The following CDHR3 variants were observed in gnomAD, a reference collection of about 807,000 sequenced individuals.
The protein encoded by CDHR3 is cadherin-related family member 3.
In CDHR3, 79 loss-of-function variants were observed where a neutral mutation model predicts 86.6. That is an observed-to-expected ratio of 0.91 (90% CI 0.76 to 1.10). The LOEUF is 1.10. Ranked by LOEUF, CDHR3 falls within the 50% of genes least tolerant of loss-of-function variation. CDHR3 has a pLI of 0.00. For missense variants in CDHR3, 1,081 were observed against 1,077.6 expected (o/e 1.00, Z -0.04); for synonymous variants, 421 against 402.4 (o/e 1.05, Z -0.55).
At chr7:105,976,779 TC>T (rs1383479049) in intron 2 of CDHR3, among the ~76,000 whole-genome samples, 5 of 152,216 alleles carry the variant, frequency 3.3e-5, no homozygotes, top group African/African-American at 1.2e-4. Flanking sequence ...GTAGCCTGGA[TC>T]AGTACTTCAT....
In CDHR3 at chr7:106,032,754, ATGGGGATGGTG is replaced by A; in HGVS notation, c.*62_*72del. ...GAGATGCTGCCTCACCCTAAATTCTATGGGGATGGTGTGGGCATGGTGTAGGGGGGAAAATG... is the reference window on the plus strand; with the variant it reads ...GAGATGCTGCCTCACCCTAAATTCTATGGGCATGGTGTAGGGGGGAAAATG... On this transcript the variant is annotated 3_prime_UTR_variant, in exon 19 of 19. Coordinates refer to ENST00000317716, the MANE Select transcript of CDHR3 (RefSeq NM_152750.5). The A allele has an allele frequency of 6.6e-7, 1 of 1,517,194 alleles. No homozygotes were observed. Among genetic ancestry groups the A allele is most frequent in the Non-Finnish European group, 8.9e-7 (1 of 1,124,172 alleles). 94.0% of individuals were successfully genotyped at this position (1,517,194 alleles called of 1,614,324 possible).
In CDHR3 at chr7:106,026,571, A is replaced by C. The variant is rs550624313; in HGVS notation, c.2259-111A>C. ...CCTATCCCTGGCACCTCTTTCAGTC[A>C]ACCCCTGTATCTCAAAGGGCATAGT... is the stretch of plus-strand genomic sequence containing the variant. On this transcript the variant is annotated intron_variant, in intron 15 of 18. Transcript: ENST00000317716. The C allele has an allele frequency of 1.3e-5, 14 of 1,113,772 alleles. No individual in the cohort carries two copies. The South Asian group carries it at 1.6e-4, about 13-fold the overall frequency. 69.0% of individuals were successfully genotyped at this position (1,113,772 alleles called of 1,614,324 possible).
intron 1 of CDHR3, among the ~76,000 whole-genome samples, chr7:105,972,515 C>T (rs1828142925): frequency 6.6e-6 from 1 of 152,120 alleles, no homozygotes; most frequent in Admixed American, 6.5e-5. Flanking sequence ...TCTTGCTAAA[C>T]AGTGAGGGAA....
chr7:106,004,523 A>C lies in CDHR3; in HGVS notation c.888A>C (p.Gln296His). 1 of 1,614,050 alleles carries C rather than the reference A, an allele frequency of 6.2e-7. No homozygotes were observed. Among genetic ancestry groups the C allele is most frequent in the Non-Finnish European group, 8.5e-7 (1 of 1,179,898 alleles). Residue 296 changes from glutamine to histidine, a missense_variant, in exon 8 of 19, where the codon CAA (glutamine) becomes CAC (histidine). Physicochemically the swap from Gln to His is conservative, Grantham distance 24 (BLOSUM62 0). Transcript: ENST00000317716. ...NQLTGTIQVA[Q>H]RIDRDAGELR... ...TGACTGGTACAATCCAAGTGGCCCA[A>C]AGGATAGACCGAGATGCAGGTGAAT...
chr7:105,980,623 A>ATTTTTTTTTTTTTTTTTTTTTTT (rs55880404), intron 2 of CDHR3, among the ~76,000 whole-genome samples: 2 of 108,156 alleles, frequency 1.8e-5, no homozygotes, highest in Non-Finnish European at 3.5e-5. Flanking sequence ...TTTTTTTTTA[A>ATTTTTTTTTTTTTTTTTTTTTTT]TTTTTTTTTT....
chr7:105,998,459 A>C (rs542215494), intron 6 of CDHR3, among the ~76,000 whole-genome samples: 17 of 152,348 alleles, frequency 1.1e-4, no homozygotes, highest in African/African-American at 4.1e-4. Flanking sequence ...TGCATGCTCC[A>C]GGAGTCTGCC....
chr7:105,974,437 A>C (rs1355115739), intron 1 of CDHR3, among the ~76,000 whole-genome samples: 2 of 152,208 alleles, frequency 1.3e-5, no homozygotes, highest in Non-Finnish European at 2.9e-5. Flanking sequence ...AAGGAAAACA[A>C]ACTCTTGTAA....
intron 6 of CDHR3, among the ~76,000 whole-genome samples, 194 bp downstream of exon 6, chr7:105,996,548 G>A (rs1431933105): frequency 1.3e-5 from 2 of 152,162 alleles, no homozygotes; most frequent in South Asian, 2.1e-4. Context: ...TGCTGCCTCT[G>A]CCTCCTGTAC....
chr7:106,007,967 C>A (rs1337067765), intron 8 of CDHR3, among the ~76,000 whole-genome samples: 1 of 152,174 alleles, frequency 6.6e-6, no homozygotes, highest in African/African-American at 2.4e-5. Context: ...GGAAGCCTCA[C>A]AATCATGGCA....
chr7:106,030,733 C>A lies in CDHR3; in HGVS notation c.2305-59C>A. 1 of 1,540,074 alleles carries A rather than the reference C, an allele frequency of 6.5e-7. No individual in the cohort carries two copies. The highest frequency in any genetic ancestry group is 8.9e-7 in the Non-Finnish European group (1 of 1,125,870). On this transcript the variant is annotated intron_variant, in intron 17 of 18. Transcript: ENST00000317716. The surrounding 1 kb of genome is among the most constrained non-coding windows in gnomAD (Gnocchi z 4.8). ...GAACTTGGGTTGTGAGGATGTGTAG[C>A]TTTGCCTGGGGGAAGGAATGTAGGA...
At chr7:106,019,650 C>T (rs549232709) in intron 12 of CDHR3, among the ~76,000 whole-genome samples, 7 of 152,214 alleles carry the variant, frequency 4.6e-5, no homozygotes, top group Middle Eastern at 3.4e-3. Context: ...TAAAAGACAG[C>T]GATGAAAGAG....
At chr7:105,986,239 G>A (rs1830506807) in intron 4 of CDHR3, among the ~76,000 whole-genome samples, 2 of 152,316 alleles carry the variant, frequency 1.3e-5, no homozygotes, top group South Asian at 2.1e-4. Context: ...TTTGCTTACT[G>A]ATGACCAGGG....
chr7:106,030,456 C>T lies in CDHR3; in HGVS notation c.2305-336C>T, dbSNP rs1225545240. ...TGGCATTTCCACTCTTCCTTCTACGCTCAGATTTTATTTACTCAGGATGCT... is the reference window on the plus strand; with the variant it reads ...TGGCATTTCCACTCTTCCTTCTACGTTCAGATTTTATTTACTCAGGATGCT... On this transcript the variant is annotated intron_variant, in intron 17 of 18. Transcript: ENST00000317716. The surrounding 1 kb of genome is among the most constrained non-coding windows in gnomAD (Gnocchi z 4.8). 6.6e-6 allele frequency among the ~76,000 whole-genome samples: 1 copy of T among 152,220 alleles called. No individual in the cohort carries two copies.
chr7:106,018,019 A>T lies in CDHR3; in HGVS notation c.1600A>T (p.Ile534Phe). The T allele has an allele frequency of 8.7e-6, 14 of 1,613,894 alleles. No homozygotes were observed. Among genetic ancestry groups the T allele is most frequent in the Non-Finnish European group, 1.2e-5 (14 of 1,179,834 alleles). ...VTKVDCETTP[I>F]YILRIQATNN... ...TAAAGTGGACTGTGAAACAACCCCC[A>T]TCTATATTCTCAGAATCCAGGCCAC... The change falls in exon 12 of 19, where the codon ATC (isoleucine) becomes TTC (phenylalanine). Residue 534 changes from isoleucine (I) to phenylalanine (F), a missense_variant. Coordinates refer to ENST00000317716, the MANE Select transcript of CDHR3 (RefSeq NM_152750.5).
At chr7:106,007,442 C>G (rs533296517) in intron 8 of CDHR3, among the ~76,000 whole-genome samples, 1 of 152,308 alleles carries the variant, frequency 6.6e-6, no homozygotes, top group Admixed American at 6.5e-5. Context: ...AAACTGAATG[C>G]CTTTAACAGC....
At chr7:105,988,255 C>G (rs1432819851) in intron 4 of CDHR3, among the ~76,000 whole-genome samples, 1 of 152,152 alleles carries the variant, frequency 6.6e-6, no homozygotes, top group Non-Finnish European at 1.5e-5. Flanking sequence ...CATACTTAGG[C>G]TGATTTTAAA....
intron 12 of CDHR3, among the ~76,000 whole-genome samples, chr7:106,018,901 T>C (rs1233524083): frequency 6.6e-6 from 1 of 152,046 alleles, no homozygotes; most frequent in Non-Finnish European, 1.5e-5. Context: ...GTCTGGGGCC[T>C]GAGATTCTGC....
intron 9 of CDHR3, among the ~76,000 whole-genome samples, chr7:106,013,645 C>T (rs1835144425): frequency 6.6e-6 from 1 of 152,218 alleles, no homozygotes; most frequent in South Asian, 2.1e-4. Context: ...GGGAAAGCAG[C>T]AGCCTCAGGG....
At chr7:106,009,235 A>G (rs1834393885) in intron 8 of CDHR3, among the ~76,000 whole-genome samples, 2 of 152,102 alleles carry the variant, frequency 1.3e-5, no homozygotes, top group Non-Finnish European at 1.5e-5. Context: ...CAGCCACCCT[A>G]TGAACGCCAA....
Sources: gnomAD v4.1 joint callset for allele counts (sites outside exome capture counted in the v4.1 genomes callset) on GRCh38, gnomAD v4.1.1 for gene constraint, Gnocchi (gnomAD v3.1) non-coding constraint, MANE v1.5 for transcripts, NCBI Gene and HGNC (gene_info 2026-07-23, HGNC 2026-07-21) for gene names.